Variants in LRRC20 observed in about 807,000 individuals in gnomAD.
LRRC20 encodes the protein leucine-rich repeat-containing protein 20.
Under a neutral mutation model 14.4 loss-of-function variants are expected in LRRC20, and 11 were observed. The ratio of observed to expected loss-of-function variants is 0.77; its 90% confidence interval spans 0.48 to 1.27. LRRC20 has a LOEUF of 1.27. LRRC20 is among the 50% of genes most tolerant of loss of function. The pLI, the probability that LRRC20 is intolerant of heterozygous loss-of-function variation, is 0.00. For missense variants in LRRC20, 219 were observed against 251.2 expected (o/e 0.87, Z 0.87); for synonymous variants, 121 against 107.3 (o/e 1.13, Z -0.79).
chr10:70,352,037 A>G (rs2170124), intron 2 of LRRC20, among the ~76,000 whole-genome samples: 114,210 of 151,974 alleles, frequency 0.75, 43,270 homozygotes, highest in Middle Eastern at 0.83. Context: ...CTTAGTAAGC[A>G]TATTTAGGTG....
At chr10:70,309,275 G>T (rs904156711) in intron 4 of LRRC20, among the ~76,000 whole-genome samples, 1 of 152,156 alleles carries the variant, frequency 6.6e-6, no homozygotes, top group African/African-American at 2.4e-5. Flanking sequence ...GCCCAGCAAA[G>T]CAGGCTGCTT....
rs549937714 is a variant in LRRC20 at position 70,308,499 on chromosome 10, C to T, written c.401-6991G>A. ...CTCAGTTCCCTGAAGGCAGGCTCTG[C>T]GTATGAGACCAGGGGCCCAGTCCAC... On this transcript the variant is annotated intron_variant, in intron 4 of 4. Transcript: ENST00000446961. 5.9e-5 allele frequency among the ~76,000 whole-genome samples: 9 copies of T among 152,276 alleles called. No homozygotes were observed. The South Asian group carries it at 1.0e-3, about 18-fold the overall frequency.
chr10:70,306,599 A>G (rs1841435425), intron 4 of LRRC20, among the ~76,000 whole-genome samples: 1 of 152,178 alleles, frequency 6.6e-6, no homozygotes, highest in African/African-American at 2.4e-5. Context: ...ATTCATTTCT[A>G]TTGTTACTTT....
chr10:70,372,295 C>T (rs1176845612), intron 2 of LRRC20, among the ~76,000 whole-genome samples: 1 of 152,108 alleles, frequency 6.6e-6, no homozygotes, highest in African/African-American at 2.4e-5. Context: ...TTTTCTAACT[C>T]CCATTTCCAT....
intron 4 of LRRC20, among the ~76,000 whole-genome samples, chr10:70,323,072 G>A (rs1842154119): frequency 6.6e-6 from 1 of 152,142 alleles, no homozygotes; most frequent in South Asian, 2.1e-4. Flanking sequence ...AACATCATTG[G>A]CATTAGAACA....
rs776323394 is a variant in LRRC20 at position 70,301,520 on chromosome 10, A to G, written c.401-12T>C. On this transcript the variant is annotated splice_polypyrimidine_tract_variant and intron_variant, in intron 4 of 4. Transcript: ENST00000446961. ...CTCCACGGGCACATCTATTGGGGACAGAATGGACAGGTTAGAGTGGTGGAG... is the reference window on the plus strand; with the variant it reads ...CTCCACGGGCACATCTATTGGGGACGGAATGGACAGGTTAGAGTGGTGGAG... 1 of 1,613,480 alleles carries G rather than the reference A, an allele frequency of 6.2e-7. No individual in the cohort carries two copies. The highest frequency in any genetic ancestry group is 1.1e-5 in the South Asian group (1 of 91,028).
chr10:70,324,132 GCA>G (rs3833735), intron 3 of LRRC20, 102 bp from the exon 4 acceptor site: 92,144 of 1,087,926 alleles, frequency 0.085, 6,174 homozygotes, highest in East Asian at 0.33. Context: ...GGCCAGGAAG[GCA>G]CAGAGGAAGC....
At chr10:70,309,241 G>T (rs1366829645) in intron 4 of LRRC20, among the ~76,000 whole-genome samples, 3 of 152,196 alleles carry the variant, frequency 2.0e-5, no homozygotes, top group Admixed American at 6.5e-5. Flanking sequence ...GGCGCAAGGA[G>T]GTGTAGCACC....
chr10:70,320,531 C>T (rs550355307), intron 4 of LRRC20, among the ~76,000 whole-genome samples: 1 of 152,276 alleles, frequency 6.6e-6, no homozygotes, highest in East Asian at 1.9e-4. Flanking sequence ...AAACTCTGCC[C>T]TATCATGTCT....
At chr10:70,344,022 G>A (rs1015166065) in intron 2 of LRRC20, among the ~76,000 whole-genome samples, 1 of 152,086 alleles carries the variant, frequency 6.6e-6, no homozygotes, top group Non-Finnish European at 1.5e-5. Flanking sequence ...AACATAGTGA[G>A]ACCCTGTCTC....
rs1841174788 is a variant in LRRC20 at position 70,301,402 on chromosome 10, C to T, written c.507G>A (p.Lys169=). ...CTTCCGGAGACATGAGCATGTCAAA[C>T]TTGATGAGCGGCGGGGCGATCACGC... ...EVRVIAPPLI[K]FDMLMSPEGA... is the part of the protein sequence containing the mutation. The change falls in exon 5 of 5, where the codon AAG becomes AAA. Residue 169 remains lysine (K), a synonymous_variant. Transcript: ENST00000446961. The T allele has an allele frequency of 6.2e-7, 1 of 1,614,044 alleles. No individual in the cohort carries two copies. Among genetic ancestry groups the T allele is most frequent in the Admixed American group, 1.7e-5 (1 of 60,024 alleles).
chr10:70,353,480 T>TA (rs1272898204), intron 2 of LRRC20, among the ~76,000 whole-genome samples: 2 of 152,062 alleles, frequency 1.3e-5, no homozygotes, highest in Non-Finnish European at 2.9e-5. Flanking sequence ...TGCAGTGGTG[T>TA]AATCTCGGCT....
chr10:70,310,472 C>T (rs1321678586), intron 4 of LRRC20, among the ~76,000 whole-genome samples: 1 of 152,194 alleles, frequency 6.6e-6, no homozygotes, highest in Non-Finnish European at 1.5e-5. Flanking sequence ...AATCCCAGCT[C>T]AAGGGCGGCT....
At chr10:70,309,545 G>A (rs757454654) in intron 4 of LRRC20, among the ~76,000 whole-genome samples, 4 of 152,340 alleles carry the variant, frequency 2.6e-5, no homozygotes, top group Non-Finnish European at 4.4e-5. Flanking sequence ...TTCACTGAGC[G>A]ATTCAGTAAG....
chr10:70,375,201 A>G (rs932086281), intron 2 of LRRC20, among the ~76,000 whole-genome samples: 13 of 152,116 alleles, frequency 8.5e-5, no homozygotes, highest in Non-Finnish European at 1.6e-4. Flanking sequence ...ACCAATGACA[A>G]TCTTCAGCGA....
At chr10:70,316,744 C>T (rs1420286514) in intron 4 of LRRC20, among the ~76,000 whole-genome samples, 2 of 152,254 alleles carry the variant, frequency 1.3e-5, no homozygotes, top group African/African-American at 2.4e-5. Context: ...TCCCTCGGTG[C>T]GGCTGCACAG....
At chr10:70,372,426 T>C (rs1844309629) in intron 2 of LRRC20, among the ~76,000 whole-genome samples, 1 of 148,352 alleles carries the variant, frequency 6.7e-6, no homozygotes, top group Non-Finnish European at 1.5e-5. Context: ...TATATGAGAA[T>C]GTGCCAATCC....
chr10:70,374,131 T>C (rs1408152245), intron 2 of LRRC20, among the ~76,000 whole-genome samples: 66 of 152,150 alleles, frequency 4.3e-4, no homozygotes. Flanking sequence ...CTGTGGTAAC[T>C]GGGCAGGGCC....
At chr10:70,363,389 A>C (rs1843831555) in intron 2 of LRRC20, among the ~76,000 whole-genome samples, 1 of 152,104 alleles carries the variant, frequency 6.6e-6, no homozygotes, top group Non-Finnish European at 1.5e-5. Flanking sequence ...CCCACGGAGG[A>C]CATGGTGAGA....
Sources: allele counts gnomAD v4.1 joint callset (sites outside exome capture counted in the v4.1 genomes callset), GRCh38; gene constraint gnomAD v4.1.1; transcripts MANE v1.5; gene names NCBI Gene and HGNC (gene_info 2026-07-23, HGNC 2026-07-21).